RGS12: variants seen among roughly 807,000 people sequenced by gnomAD.
RGS12 encodes regulator of G-protein signaling 12.
A neutral mutation model predicts 120.1 loss-of-function variants in RGS12; 66 were observed. That is an observed-to-expected ratio of 0.55 (90% CI 0.45 to 0.67). RGS12 has a LOEUF of 0.67. Ranked by LOEUF, RGS12 falls within the 30% of genes least tolerant of loss-of-function variation. RGS12 has a pLI of 0.00. For missense variants in RGS12, 1,859 were observed against 1,957.7 expected (o/e 0.95, Z 0.95); for synonymous variants, 827 against 804.7 (o/e 1.03, Z -0.47).
intron 3 of RGS12, among the ~76,000 whole-genome samples, chr4:3,355,429 G>A (rs962800984): frequency 1.3e-5 from 2 of 152,162 alleles, no homozygotes; most frequent in African/African-American, 4.8e-5. Flanking sequence ...TAAAAAGCTT[G>A]CAAAGAAGAA....
rs754950895 is a variant in RGS12, at chr4:3,317,692, G to A, written c.1522G>A (p.Val508Met). 1 of 1,612,260 alleles carries A rather than the reference G, an allele frequency of 6.2e-7. No homozygotes were observed. The highest frequency in any genetic ancestry group is 2.2e-5 in the East Asian group (1 of 44,870). ...CAAGCACCTAGGGCCAGCCTCTCCT[G>A]TGGAGGTGCCCCCAGCTTCCTTGAG... is the stretch of plus-strand genomic sequence containing the variant. ...LNKHLGPASPVEVPPASLRSS... is the reference protein window; with the variant it reads ...LNKHLGPASPMEVPPASLRSS... The change falls in exon 2 of 18, where the codon GTG (valine) becomes ATG (methionine). Residue 508 changes from valine (V) to methionine (M), a missense_variant. Coordinates refer to ENST00000336727, the MANE Select transcript of RGS12 (RefSeq NM_001394154.1).
chr4:3,369,687 A>G (rs1467603170), intron 3 of RGS12, among the ~76,000 whole-genome samples: 2 of 152,184 alleles, frequency 1.3e-5, no homozygotes, highest in African/African-American at 4.8e-5. Flanking sequence ...AGGCTTTACA[A>G]ATAGTTTTCT....
chr4:3,377,634 C>T (rs1267514293), intron 3 of RGS12, among the ~76,000 whole-genome samples: 1 of 151,912 alleles, frequency 6.6e-6, no homozygotes, highest in Admixed American at 6.6e-5. Flanking sequence ...AACAATAAAC[C>T]TTAATAAAGG....
intron 1 of RGS12, among the ~76,000 whole-genome samples, chr4:3,299,759 T>C (rs1253723640): frequency 6.6e-6 from 1 of 152,244 alleles, no homozygotes; most frequent in Non-Finnish European, 1.5e-5. Flanking sequence ...ATGGGTCAAC[T>C]AACCTGATGA....
intron 4 of RGS12, among the ~76,000 whole-genome samples, chr4:3,400,587 A>G (rs756929840): frequency 2.5e-4 from 38 of 150,650 alleles, no homozygotes; most frequent in Non-Finnish European, 5.2e-4. Flanking sequence ...GAATACATGA[A>G]TGTACTCTAT....
Position 3,311,043 on chromosome 4 carries a change from T to C in RGS12, c.-101-5027T>C, listed in dbSNP as rs1415417022. Among the ~76,000 whole-genome samples the C allele has an allele frequency of 3.3e-5, 5 of 152,326 alleles. No homozygotes were observed. In the East Asian group the frequency reaches 9.6e-4, roughly 29 times the overall value. ...TGATGGTGTTTAGGATGACATGCGC[T>C]GCACAGCAAGTCCTGGCCGTGGCGG... On this transcript the variant is annotated intron_variant, in intron 1 of 17. Transcript: ENST00000336727.
intron 2 of RGS12, among the ~76,000 whole-genome samples, chr4:3,322,217 C>T (rs893272895): frequency 4.6e-5 from 7 of 152,202 alleles, no homozygotes; most frequent in African/African-American, 1.7e-4. Context: ...CACCGAGCCA[C>T]GTGGTGACCT....
chr4:3,306,472 C>T (rs762815579), intron 1 of RGS12, among the ~76,000 whole-genome samples: 6 of 152,238 alleles, frequency 3.9e-5, no homozygotes, highest in Non-Finnish European at 7.3e-5. Context: ...ACAGCCTTTC[C>T]ACCCCTGTTT....
chr4:3,372,573 C>T lies in RGS12; in HGVS notation c.1999-13843C>T, dbSNP rs1028410591. Among the ~76,000 whole-genome samples, 1 of 152,184 alleles carries T rather than the reference C, an allele frequency of 6.6e-6. No homozygotes were observed. Among genetic ancestry groups the T allele is most frequent in the African/African-American group, 2.4e-5 (1 of 41,462 alleles). ...GCCGCCTCGGGTGCATCCACGCTGG[C>T]CCCCCCAGGTGTGCCCTGTGTGGCC... is the stretch of plus-strand genomic sequence containing the variant. On this transcript the variant is annotated intron_variant, in intron 3 of 17. Transcript: ENST00000336727. This position sits in a 1 kb window ranked among gnomAD's most constrained non-coding sequence, Gnocchi z 4.3.
At chr4:3,311,674 C>CA (rs1323769520) in intron 1 of RGS12, among the ~76,000 whole-genome samples, 5 of 152,180 alleles carry the variant, frequency 3.3e-5, no homozygotes, top group African/African-American at 9.7e-5. Flanking sequence ...AAGTACCGCA[C>CA]AAAATTACCC....
intron 3 of RGS12, among the ~76,000 whole-genome samples, chr4:3,362,650 T>A (rs1715750901): frequency 7.8e-6 from 1 of 128,034 alleles, no homozygotes; most frequent in Non-Finnish European, 1.6e-5. Flanking sequence ...TGAGGGTGTG[T>A]CAGTGTGGGA....
intron 1 of RGS12, among the ~76,000 whole-genome samples, chr4:3,299,222 C>G (rs905791077): frequency 6.6e-6 from 1 of 152,010 alleles, no homozygotes; most frequent in Admixed American, 6.6e-5. Context: ...GATGGCTCAC[C>G]ACTGGCCAGG....
intron 4 of RGS12, among the ~76,000 whole-genome samples, chr4:3,407,834 G>A (rs1158788992): frequency 6.6e-6 from 1 of 152,144 alleles, no homozygotes; most frequent in African/African-American, 2.4e-5. Context: ...TTCATCTTAC[G>A]GTATTAACAT....
At chr4:3,410,267 A>G (rs1002965346) in intron 4 of RGS12, among the ~76,000 whole-genome samples, 12 of 152,194 alleles carry the variant, frequency 7.9e-5, no homozygotes, top group African/African-American at 2.7e-4. Context: ...CTGCCCAGCT[A>G]ATTTTTTAAT....
intron 17 of RGS12, chr4:3,431,220 C>G (rs997082989): frequency 1.5e-6 from 2 of 1,337,656 alleles, no homozygotes; most frequent in Non-Finnish European, 1.9e-6. Context: ...AGGAATGATA[C>G]GTGGCAGTGC....
Position 3,365,665 on chromosome 4 carries a change from A to G in RGS12, c.1999-20751A>G, listed in dbSNP as rs1716227071. Among the ~76,000 whole-genome samples the G allele has an allele frequency of 6.6e-6, 1 of 152,172 alleles. No individual in the cohort carries two copies. The highest frequency in any genetic ancestry group is 1.5e-5 in the Non-Finnish European group (1 of 68,040). On this transcript the variant is annotated intron_variant, in intron 3 of 17. Transcript: ENST00000336727. This position sits in a 1 kb window ranked among gnomAD's most constrained non-coding sequence, Gnocchi z 4.0. ...CCGCACGTCACATTGTGTAGGAATG[A>G]GATCCTCACAGGCCTTTCAGAATAA... is the stretch of plus-strand genomic sequence containing the variant.
chr4:3,422,020 C>T (rs1230030473), intron 10 of RGS12, among the ~76,000 whole-genome samples: 2 of 152,200 alleles, frequency 1.3e-5, no homozygotes, highest in Non-Finnish European at 2.9e-5. Context: ...GGACAGGGTG[C>T]TGGAACCCAG....
At chr4:3,425,346 C>T in intron 13 of RGS12, 118 bp from the exon 14 acceptor site, 1 of 886,958 alleles carries the variant, frequency 1.1e-6, no homozygotes, top group Admixed American at 1.8e-5. Flanking sequence ...CACCTCGGGG[C>T]CATCTCCTGC....
At chr4:3,404,332 C>A (rs925548170) in intron 4 of RGS12, among the ~76,000 whole-genome samples, 2 of 152,160 alleles carry the variant, frequency 1.3e-5, no homozygotes, top group African/African-American at 4.8e-5. Context: ...TGAATTTTGC[C>A]GCTGTAGTGA....
Sources: allele counts gnomAD v4.1 joint callset (sites outside exome capture counted in the v4.1 genomes callset), GRCh38; gene constraint gnomAD v4.1.1; non-coding constraint Gnocchi (gnomAD v3.1); transcripts MANE v1.5; gene names NCBI Gene and HGNC (gene_info 2026-07-23, HGNC 2026-07-21).